The following H1-8 variants were observed in gnomAD, a reference collection of about 807,000 sequenced individuals.
The protein encoded by H1-8 is H1.8 linker histone.
In H1-8, 13 loss-of-function variants were observed where a neutral mutation model predicts 19.5. That is an observed-to-expected ratio of 0.67 (90% confidence interval 0.43 to 1.06). The LOEUF is 1.06. H1-8 is among the 50% of genes least tolerant of loss of function. The pLI is 0.00. For synonymous variants in H1-8, 193 were observed against 187.6 expected (o/e 1.03, Z -0.24); for missense variants, 432 against 459.8 (o/e 0.94, Z 0.55).
chr3:129,549,045 C>T lies in H1-8; in HGVS notation c.423C>T (p.Ala141=). ...HKKKIQPRKM[A]PATAPRRAGE... is the part of the protein sequence containing the mutation. ...AGAAAATCCAGCCCAGGAAGATGGC[C>T]CCCGCGACGGCTCCCAGGAGAGCGG... Residue 141 remains alanine, a synonymous_variant, in exon 3 of 5, where the codon GCC becomes GCT. Transcript: ENST00000324382. 1.2e-6 allele frequency: 2 copies of T among 1,612,824 alleles called. No individual in the cohort carries two copies. Among genetic ancestry groups the T allele is most frequent in the Non-Finnish European group, 1.7e-6 (2 of 1,179,542 alleles).
At position 129,543,330 on chromosome 3, in the gene H1-8, C is replaced by G. The variant is rs200173918; in HGVS notation, c.88+24C>G. 311 of 1,568,572 alleles carry G rather than the reference C, an allele frequency of 2.0e-4. No individual in the cohort carries two copies. The African/African-American group carries it at 2.8e-3, about 14-fold the overall frequency. ...AGGTGAGCAAGAGGAGGCAGCTCCTCCCTCATCCCTGCGAGCCCACTCCCT... is the reference window on the plus strand; with the variant it reads ...AGGTGAGCAAGAGGAGGCAGCTCCTGCCTCATCCCTGCGAGCCCACTCCCT... On this transcript the variant is annotated intron_variant, in intron 1 of 4. Transcript: ENST00000324382.
At chr3:129,549,563 A>T (rs2084918830) in intron 3 of H1-8, among the ~76,000 whole-genome samples, 199 bp downstream of exon 3, 1 of 151,008 alleles carries the variant, frequency 6.6e-6, no homozygotes, top group African/African-American at 2.4e-5. Context: ...ATGAAGGGGG[A>T]AGCAGAGACC....
Position 129,551,204 on chromosome 3 carries a change from C to T in H1-8, c.905C>T (p.Pro302Leu), listed in dbSNP as rs776129773. 1.2e-6 allele frequency: 2 copies of T among 1,614,254 alleles called. No individual in the cohort carries two copies. Among genetic ancestry groups the T allele is most frequent in the East Asian group, 4.5e-5 (2 of 44,882 alleles). ...GGGCCAAACACCAAGGCTGCTGCTC[C>T]TGCTAAGGGCAGTGGGTCCAAGGTG... ...GQGPNTKAAA[P>L]AKGSGSKVVP... Residue 302 changes from proline to leucine, a missense_variant, in exon 5 of 5, where the codon CCT becomes CTT. Coordinates refer to ENST00000324382, the MANE Select transcript of H1-8 (RefSeq NM_153833.3).
At chr3:129,546,190 G>T (rs1469857890) in intron 1 of H1-8, among the ~76,000 whole-genome samples, 1 of 151,712 alleles carries the variant, frequency 6.6e-6, no homozygotes, top group Non-Finnish European at 1.5e-5. Flanking sequence ...CAGGCGTGGT[G>T]GTGTGTGCCT....
chr3:129,544,203 C>G (rs959111756), intron 1 of H1-8, among the ~76,000 whole-genome samples: 6 of 152,136 alleles, frequency 3.9e-5, no homozygotes, highest in Admixed American at 3.9e-4. Context: ...CTGCATCTTC[C>G]TTCTGGGAAG....
At chr3:129,548,568 A>C in intron 2 of H1-8, 4 of 877,796 alleles carry the variant, frequency 4.6e-6, no homozygotes, top group Non-Finnish European at 5.5e-6. Context: ...TGCCGCTCAC[A>C]GCCTTGGTGA....
chr3:129,543,820 G>GT (rs2084869300), intron 1 of H1-8, among the ~76,000 whole-genome samples: 1 of 152,238 alleles, frequency 6.6e-6, no homozygotes, highest in Non-Finnish European at 1.5e-5. Context: ...GCTTGTTGCT[G>GT]TTTGCTAATG....
At chr3:129,544,491 C>T (rs1372865967) in intron 1 of H1-8, among the ~76,000 whole-genome samples, 2 of 151,580 alleles carry the variant, frequency 1.3e-5, no homozygotes, top group African/African-American at 2.4e-5. Flanking sequence ...CCAGAATGCC[C>T]CCAGTTCTTG....
intron 1 of H1-8, among the ~76,000 whole-genome samples, chr3:129,543,870 G>T (rs1371666119): frequency 2.0e-5 from 3 of 152,196 alleles, no homozygotes; most frequent in Admixed American, 2.0e-4. Flanking sequence ...AGCTGGAGGA[G>T]CCCAGAGGAG....
In H1-8 at chr3:129,545,022, G is replaced by A. The variant is rs62267566; in HGVS notation, c.88+1716G>A. Among the ~76,000 whole-genome samples, 5 of 150,732 alleles carry A rather than the reference G, an allele frequency of 3.3e-5. No individual in the cohort carries two copies. The East Asian group carries it at 9.7e-4, about 29-fold the overall frequency. On this transcript the variant is annotated intron_variant, in intron 1 of 4. Transcript: ENST00000324382. Reference sequence around the variant, plus strand: ...TTTTGCTCTAGATCTAGAGTTTCATGGTTTTTTTTTTCTATTGAAAAAAAA... The same window carrying A: ...TTTTGCTCTAGATCTAGAGTTTCATAGTTTTTTTTTTCTATTGAAAAAAAA...
At chr3:129,550,691 C>T in intron 3 of H1-8, 54 bp from the exon 4 acceptor site, 1 of 1,498,534 alleles carries the variant, frequency 6.7e-7, no homozygotes, top group Non-Finnish European at 9.3e-7. Flanking sequence ...AACTTCCTGC[C>T]CCACCAGCAG....
chr3:129,549,943 C>G (rs59879847), intron 3 of H1-8, among the ~76,000 whole-genome samples: 11,293 of 151,558 alleles, frequency 0.075, 1,373 homozygotes, highest in African/African-American at 0.26. Flanking sequence ...GACAGAGTGA[C>G]ACTCAGTCTC....
Position 129,547,402 on chromosome 3 carries a change from G to C in H1-8, c.100G>C (p.Gly34Arg). The change falls in exon 2 of 5, where the codon GGC becomes CGC. Residue 34 changes from glycine to arginine, a missense_variant. Gly to Arg is a moderately radical substitution (Grantham distance 125, BLOSUM62 -2). Coordinates refer to ENST00000324382, the MANE Select transcript of H1-8 (RefSeq NM_153833.3). ...PESEKPGPSH[G>R]GVPPGGPSHS... ...CCATCTCTCCTCAGGCCCGAGCCACGGCGGTGTCCCACCAGGAGGCCCGAG... is the reference window on the plus strand; with the variant it reads ...CCATCTCTCCTCAGGCCCGAGCCACCGCGGTGTCCCACCAGGAGGCCCGAG... 1 of 1,504,902 alleles carries C rather than the reference G, an allele frequency of 6.6e-7. No individual in the cohort carries two copies. The highest frequency in any genetic ancestry group is 8.8e-7 in the Non-Finnish European group (1 of 1,131,178). 93.2% of individuals were successfully genotyped at this position (1,504,902 alleles called of 1,614,324 possible).
intron 1 of H1-8, among the ~76,000 whole-genome samples, chr3:129,543,918 T>C (rs1252692357): frequency 6.6e-6 from 1 of 152,076 alleles, no homozygotes; most frequent in Non-Finnish European, 1.5e-5. Context: ...GAAAGCTTCC[T>C]AGAAGAGGTG....
In H1-8 at chr3:129,549,380, G is replaced by A. The variant is rs775365697; in HGVS notation, c.742+16G>A. On this transcript the variant is annotated intron_variant, in intron 3 of 4. Transcript: ENST00000324382. ...AGCAGCCAAGGTAGTTGTGTGACTT[G>A]TAGGGGGTGGTGTGGGGATGGGGGT... 1 of 1,555,242 alleles carries A rather than the reference G, an allele frequency of 6.4e-7. No individual in the cohort carries two copies. The highest frequency in any genetic ancestry group is 2.0e-5 in the Admixed American group (1 of 49,688).
intron 2 of H1-8, 28 bp from the exon 3 acceptor site, chr3:129,548,973 T>C (rs773836246): frequency 6.4e-7 from 1 of 1,567,518 alleles, no homozygotes; most frequent in South Asian, 1.2e-5. Flanking sequence ...AGGCTCTGCT[T>C]TCAGCCCCAC....
intron 3 of H1-8, among the ~76,000 whole-genome samples, chr3:129,550,452 C>T (rs931502108): frequency 6.6e-5 from 10 of 152,230 alleles, no homozygotes; most frequent in Non-Finnish European, 1.2e-4. Context: ...ACTAAAGGCT[C>T]GAGCTGACAG....
chr3:129,546,900 C>CT (rs1578289313), intron 1 of H1-8, among the ~76,000 whole-genome samples: 1 of 152,192 alleles, frequency 6.6e-6, no homozygotes. Context: ...ATACTCCATT[C>CT]TTTAAAAAGA....
intron 1 of H1-8, among the ~76,000 whole-genome samples, chr3:129,543,702 C>T (rs191532788): frequency 6.6e-6 from 1 of 152,282 alleles, no homozygotes; most frequent in Non-Finnish European, 1.5e-5. Flanking sequence ...CGATTTTCAA[C>T]CAAAAAACAC....
Sources: allele counts gnomAD v4.1 joint callset (sites outside exome capture counted in the v4.1 genomes callset), GRCh38; gene constraint gnomAD v4.1.1; transcripts MANE v1.5; gene names NCBI Gene and HGNC (gene_info 2026-07-23, HGNC 2026-07-21).